Variants in LPIN1 observed in about 807,000 individuals in gnomAD.
LPIN1 encodes the protein lipin 1.
LPIN1 carries 71 observed loss-of-function variants against 107.5 expected under a neutral mutation model. The ratio of observed to expected loss-of-function variants is 0.66; its 90% CI spans 0.55 to 0.80. LPIN1 has a LOEUF of 0.80. Ranked by LOEUF, LPIN1 falls within the 30% of genes least tolerant of loss-of-function variation. The probability of loss-of-function intolerance (pLI) is 0.00; values close to 1 mark genes in which losing one functional copy is unlikely to be tolerated. For synonymous variants in LPIN1, 445 were observed against 452.6 expected (o/e 0.98, Z 0.21); for missense variants, 1,043 against 1,160.6 (o/e 0.90, Z 1.47).
intron 3 of LPIN1, among the ~76,000 whole-genome samples, chr2:11,768,659 GGGCATGGT>G (rs1387817911): frequency 5.3e-5 from 8 of 152,100 alleles, no homozygotes; most frequent in African/African-American, 1.2e-4. Flanking sequence ...ACTTGGGGCT[GGGCATGGT>G]GGCTCACGCC....
chr2:11,783,053 C>T (rs11691509), intron 8 of LPIN1, among the ~76,000 whole-genome samples: 48,488 of 152,090 alleles, frequency 0.32, 8,183 homozygotes, highest in African/African-American at 0.4. Flanking sequence ...ACACAGTGGG[C>T]GCTCTGTGTT....
upstream of LPIN1, among the ~76,000 whole-genome samples, chr2:11,722,972 A>C (rs1664260329): frequency 6.6e-6 from 1 of 152,236 alleles, no homozygotes; most frequent in South Asian, 2.1e-4. Context: ...CTGTTACTAG[A>C]ACCTACTACC....
intron 7 of LPIN1, among the ~76,000 whole-genome samples, chr2:11,780,611 AG>A (rs1255496554): frequency 6.6e-6 from 1 of 152,132 alleles, no homozygotes; most frequent in Non-Finnish European, 1.5e-5. Flanking sequence ...GAAGCAGCTG[AG>A]GGTAGCGGAG....
intron 1 of LPIN1, chr2:11,764,092 A>G (rs1670364269): frequency 8.0e-6 from 1 of 125,410 alleles, no homozygotes; most frequent in Admixed American, 8.0e-5. Context: ...ATATATATAT[A>G]TATATATATA....
intron 1 of LPIN1, among the ~76,000 whole-genome samples, chr2:11,756,086 G>A (rs1401331193): frequency 6.6e-6 from 1 of 152,156 alleles, no homozygotes; most frequent in African/African-American, 2.4e-5. Context: ...CAAAAACGGG[G>A]ATTGTAAGAG....
chr2:11,762,112 C>T (rs1030083205), intron 1 of LPIN1, among the ~76,000 whole-genome samples: 6 of 151,998 alleles, frequency 3.9e-5, no homozygotes, highest in Admixed American at 3.3e-4. Context: ...CCCCTCCTCG[C>T]GTTCATTCCT....
At chr2:11,744,798 A>C (rs1437229185), upstream of LPIN1, among the ~76,000 whole-genome samples, 5 of 152,286 alleles carry the variant, frequency 3.3e-5, no homozygotes, top group East Asian at 9.7e-4. Context: ...TTGCAACCTC[A>C]GCAGTTTTGG....
At chr2:11,761,170 T>C (rs1297197603) in intron 1 of LPIN1, among the ~76,000 whole-genome samples, 2 of 129,106 alleles carry the variant, frequency 1.5e-5, no homozygotes, top group African/African-American at 1.0e-4. Context: ...CACGTAGTTT[T>C]AGAGTTAGAG....
At position 11,803,125 on chromosome 2, in the gene LPIN1, A is replaced by C; in HGVS notation, c.2013+92A>C. 6.4e-7 allele frequency: 1 copy of C among 1,555,788 alleles called. No homozygotes were observed. Among genetic ancestry groups the C allele is most frequent in the Non-Finnish European group, 8.8e-7 (1 of 1,136,436 alleles). On this transcript the variant is annotated intron_variant, in intron 15 of 20. Transcript: ENST00000674199. The surrounding 1 kb of genome is among the most constrained non-coding windows in gnomAD (Gnocchi z 4.2). ...GTGTGATGGTTGGGATGTGCCCGTTACTTGTCACCTTTCATCCCAGGGGGC... is the reference window on the plus strand; with the variant it reads ...GTGTGATGGTTGGGATGTGCCCGTTCCTTGTCACCTTTCATCCCAGGGGGC...
At chr2:11,716,857 T>C (rs946701586) in intron 2 of LPIN1, among the ~76,000 whole-genome samples, 1 of 152,182 alleles carries the variant, frequency 6.6e-6, no homozygotes. Context: ...CTGGGACAAA[T>C]TGCTACACCA....
chr2:11,726,609 T>A (rs549780867), intron 1 of LPIN1, among the ~76,000 whole-genome samples: 4 of 149,854 alleles, frequency 2.7e-5, no homozygotes, highest in East Asian at 2.0e-4. Context: ...CTCCTCCCCC[T>A]CCCAAACTCC....
chr2:11,773,838 A>C, intron 5 of LPIN1, 93 bp downstream of exon 5: 1 of 1,469,672 alleles, frequency 6.8e-7, no homozygotes, highest in East Asian at 2.3e-5. Flanking sequence ...AGAAATGAAA[A>C]GTGAAAATAA....
At chr2:11,736,718 T>C (rs575084062) in intron 1 of LPIN1, among the ~76,000 whole-genome samples, 47 of 152,376 alleles carry the variant, frequency 3.1e-4, no homozygotes, top group African/African-American at 1.1e-3. Flanking sequence ...GAAATATCCA[T>C]TGCAGTCACT....
At chr2:11,719,841 G>A (rs999257128), upstream of LPIN1, among the ~76,000 whole-genome samples, 13 of 147,972 alleles carry the variant, frequency 8.8e-5, no homozygotes, top group African/African-American at 2.8e-4. Flanking sequence ...ATGGATTAGC[G>A]ACAGGCACTA....
chr2:11,732,756 C>T (rs1054970039), intron 1 of LPIN1, among the ~76,000 whole-genome samples: 12 of 152,090 alleles, frequency 7.9e-5, no homozygotes, highest in African/African-American at 1.9e-4. Flanking sequence ...GCCTTATTAC[C>T]GATACCTAAA....
intron 1 of LPIN1, among the ~76,000 whole-genome samples, chr2:11,758,819 C>G (rs1669067706): frequency 6.6e-6 from 1 of 152,238 alleles, no homozygotes; most frequent in African/African-American, 2.4e-5. Flanking sequence ...AGTCTTGGCT[C>G]TGTCTTTGCC....
At chr2:11,784,303 CAAAAA>C (rs71394768) in intron 9 of LPIN1, 87 of 826,744 alleles carry the variant, frequency 1.1e-4, no homozygotes, top group East Asian at 6.5e-4. Flanking sequence ...GACTCCATCT[CAAAAA>C]AAAAAAAAAA....
intron 1 of LPIN1, among the ~76,000 whole-genome samples, chr2:11,704,292 T>C (rs888669603): frequency 2.0e-5 from 3 of 152,240 alleles, no homozygotes; most frequent in Non-Finnish European, 4.4e-5. Flanking sequence ...ATCTAATATA[T>C]GCACACACAT....
intron 1 of LPIN1, chr2:11,741,023 T>C (rs1202977929): frequency 5.1e-6 from 1 of 194,884 alleles, no homozygotes; most frequent in South Asian, 1.5e-4. Flanking sequence ...CTGCATCCAG[T>C]TTACTTATTC....
Sources: gnomAD v4.1 joint callset for allele counts (sites outside exome capture counted in the v4.1 genomes callset) on GRCh38, gnomAD v4.1.1 for gene constraint, Gnocchi (gnomAD v3.1) non-coding constraint, MANE v1.5 for transcripts, NCBI Gene and HGNC (gene_info 2026-07-23, HGNC 2026-07-21) for gene names.